The following NUGGC variants were observed in gnomAD, a reference collection of about 807,000 sequenced individuals.
The protein encoded by NUGGC is nuclear GTPase SLIP-GC.
In NUGGC, 58 loss-of-function variants were observed where a neutral mutation model predicts 92.6. The observed-to-expected ratio is 0.63, with a 90% CI of 0.51 to 0.78. The LOEUF (loss-of-function observed/expected upper bound fraction) is 0.78. Ranked by LOEUF, NUGGC falls within the 30% of genes least tolerant of loss-of-function variation. The probability of loss-of-function intolerance (pLI) is 0.00; values close to 1 mark genes in which losing one functional copy is unlikely to be tolerated. For synonymous variants in NUGGC, 376 were observed against 366.4 expected, an observed-to-expected ratio of 1.03 and a Z score of -0.30; for missense variants, 925 against 964.6, an observed-to-expected ratio of 0.96 and a Z score of 0.54.
At chr8:28,028,635 A>T (rs142856261) in intron 17 of NUGGC, among the ~76,000 whole-genome samples, 1 of 152,290 alleles carries the variant, frequency 6.6e-6, no homozygotes, top group East Asian at 1.9e-4. Context: ...AGGGGGTGGC[A>T]AGCCATGAGG....
At chr8:28,036,379 A>ACTG (rs1809554556) in intron 13 of NUGGC, among the ~76,000 whole-genome samples, 2 of 151,586 alleles carry the variant, frequency 1.3e-5, no homozygotes, top group Non-Finnish European at 2.9e-5. Context: ...ATATCCTATC[A>ACTG]CTGTCCTTCT....
intron 4 of NUGGC, 139 bp downstream of exon 4, chr8:28,069,405 C>G: frequency 3.4e-6 from 2 of 591,848 alleles, no homozygotes; most frequent in South Asian, 4.5e-5. Context: ...TGGCAACTAT[C>G]CCATAGCTAC....
chr8:28,038,217 T>A (rs1296694041), intron 13 of NUGGC, among the ~76,000 whole-genome samples: 1 of 152,160 alleles, frequency 6.6e-6, no homozygotes, highest in African/African-American at 2.4e-5. Flanking sequence ...CAGAATGCTC[T>A]CCCTTCTCTA....
intron 2 of NUGGC, among the ~76,000 whole-genome samples, chr8:28,073,690 C>T (rs950253134): frequency 6.6e-6 from 1 of 152,102 alleles, no homozygotes; most frequent in African/African-American, 2.4e-5. Context: ...TTCCAGGAGC[C>T]GCTCCAAGGC....
chr8:28,081,041 A>G (rs565666086), intron 1 of NUGGC, among the ~76,000 whole-genome samples: 1 of 152,016 alleles, frequency 6.6e-6, no homozygotes, highest in Non-Finnish European at 1.5e-5. Context: ...TTCATTGGCC[A>G]GGCATGGTGG....
intron 18 of NUGGC, among the ~76,000 whole-genome samples, chr8:28,024,651 C>A (rs1202117107): frequency 6.6e-6 from 1 of 152,114 alleles, no homozygotes; most frequent in Non-Finnish European, 1.5e-5. Flanking sequence ...TTTCTGTGCC[C>A]GAGGGTGACT....
At chr8:28,056,461 G>C (rs967134581) in intron 9 of NUGGC, among the ~76,000 whole-genome samples, 1 of 150,040 alleles carries the variant, frequency 6.7e-6, no homozygotes, top group Non-Finnish European at 1.5e-5. Flanking sequence ...CTGGGCGACA[G>C]AGTGAGACTG....
intron 12 of NUGGC, 89 bp from the exon 13 acceptor site, chr8:28,041,304 G>T: frequency 1.5e-6 from 2 of 1,308,190 alleles, no homozygotes; most frequent in Non-Finnish European, 2.1e-6. Context: ...CTTGTCACCA[G>T]CTCAAGATTC....
chr8:28,058,234 T>A (rs1810199208), intron 9 of NUGGC, 24 bp downstream of exon 9: 3 of 438,894 alleles, frequency 6.8e-6, no homozygotes, highest in East Asian at 1.4e-4. Flanking sequence ...AAAATAAAAA[T>A]AAAAAAAACT....
rs758588752 is a variant in NUGGC, at chr8:28,031,352, A to T, written c.1799T>A (p.Met600Lys). The T allele has an allele frequency of 6.2e-7, 1 of 1,614,066 alleles. No homozygotes were observed. The highest frequency in any genetic ancestry group is 1.3e-5 in the African/African-American group (1 of 75,080). The change falls in exon 15 of 19, where the codon ATG becomes AAG. Residue 600 changes from methionine (M) to lysine (K), a missense_variant. By Grantham distance (95) the Met-to-Lys change is moderately conservative. Coordinates refer to ENST00000413272, the MANE Select transcript of NUGGC (RefSeq NM_001010906.2). ...CTGCTTAAAAGCATCTATGTGAGGC[A>T]TCAGAGCTGAACCAGTGGGCTTCCC... ...RTGKPTGSAL[M>K]PHIDAFKQSL...
chr8:28,038,726 G>A (rs190894713), intron 13 of NUGGC, among the ~76,000 whole-genome samples: 3 of 152,328 alleles, frequency 2.0e-5, no homozygotes, highest in East Asian at 3.9e-4. Flanking sequence ...GCAAATACAA[G>A]TTGCTGCAAT....
In NUGGC at chr8:28,069,612, G is replaced by A. The variant is rs75989631; in HGVS notation, c.189C>T (p.Asn63=). The change falls in exon 4 of 19, where the codon AAC becomes AAT. Residue 63 remains asparagine (N), a synonymous_variant. Coordinates refer to ENST00000413272, the MANE Select transcript of NUGGC (RefSeq NM_001010906.2). The part of the protein sequence containing the change: ...LESRTRRVLS[N]TYQKLIQSVF... Reference sequence around the variant, plus strand: ...CAGACTGAATAAGTTTCTGATAAGTGTTGCTCAAAACCCTTCTGGTCCGTG... The same window carrying A: ...CAGACTGAATAAGTTTCTGATAAGTATTGCTCAAAACCCTTCTGGTCCGTG... 3,490 of 1,612,074 alleles carry A rather than the reference G, an allele frequency of 2.2e-3. 5 individuals carry two copies. Among genetic ancestry groups the A allele is most frequent in the Non-Finnish European group, 2.7e-3 (3,129 of 1,178,172 alleles).
At chr8:28,050,526 C>A (rs529339362) in intron 10 of NUGGC, among the ~76,000 whole-genome samples, 2 of 151,866 alleles carry the variant, frequency 1.3e-5, no homozygotes, top group Non-Finnish European at 2.9e-5. Context: ...TCAATCATGA[C>A]CCAGCTGGGT....
At chr8:28,026,016 A>T (rs1809250899) in intron 18 of NUGGC, among the ~76,000 whole-genome samples, 1 of 152,034 alleles carries the variant, frequency 6.6e-6, no homozygotes, top group Non-Finnish European at 1.5e-5. Flanking sequence ...TTCCCCTCTC[A>T]CAAATGGCAA....
intron 4 of NUGGC, 58 bp downstream of exon 4, chr8:28,069,486 T>TA: frequency 1.2e-6 from 1 of 840,210 alleles, no homozygotes; most frequent in South Asian, 1.5e-5. Context: ...AAAGCACCTA[T>TA]AATCGCCTAA....
chr8:28,030,260 T>C (rs556963225), intron 16 of NUGGC, 50 bp downstream of exon 16: 2 of 1,007,834 alleles, frequency 2.0e-6, no homozygotes, highest in African/African-American at 1.6e-5. Context: ...CGAAAGATGC[T>C]GACAGAAAGT....
chr8:28,067,962 T>C (rs1310671408), intron 5 of NUGGC, among the ~76,000 whole-genome samples: 1 of 152,208 alleles, frequency 6.6e-6, no homozygotes, highest in Non-Finnish European at 1.5e-5. Context: ...TTGATGAACT[T>C]TCTCCTGGGA....
intron 17 of NUGGC, 86 bp downstream of exon 17, chr8:28,029,180 A>G (rs1809346452): frequency 3.6e-6 from 5 of 1,400,494 alleles, no homozygotes; most frequent in Non-Finnish European, 4.9e-6. Context: ...CCAAATGCCT[A>G]CTATGCCTTC....
At chr8:28,080,966 T>A (rs1563235578) in intron 1 of NUGGC, among the ~76,000 whole-genome samples, 2 of 152,110 alleles carry the variant, frequency 1.3e-5, no homozygotes, top group Non-Finnish European at 2.9e-5. Flanking sequence ...ACCTGATCTC[T>A]CTGAGCCTCT....
Sources: gnomAD v4.1 joint callset for allele counts (sites outside exome capture counted in the v4.1 genomes callset) on GRCh38, gnomAD v4.1.1 for gene constraint, MANE v1.5 for transcripts, NCBI Gene and HGNC (gene_info 2026-07-23, HGNC 2026-07-21) for gene names.